MYO15A: variants seen among roughly 807,000 people sequenced by gnomAD.
The protein encoded by MYO15A is myosin XVA.
A neutral mutation model predicts 394.6 loss-of-function variants in MYO15A; 308 were observed. The observed-to-expected ratio is 0.78, with a 90% CI of 0.71 to 0.86. The LOEUF is 0.86. MYO15A is among the 40% of genes least tolerant of loss of function. MYO15A has a pLI of 0.00. For missense variants in MYO15A, 4,606 were observed against 4,799.1 expected (o/e 0.96, Z 1.19); for synonymous variants, 1,957 against 2,003.8 (o/e 0.98, Z 0.62).
chr17:18,147,923 G>A lies in MYO15A; in HGVS notation c.6510-106G>A, dbSNP rs1024775789. On this transcript the variant is annotated intron_variant, in intron 30 of 65. Coordinates refer to ENST00000647165, the MANE Select transcript of MYO15A (RefSeq NM_016239.4). This position sits in a 1 kb window ranked among gnomAD's most constrained non-coding sequence, Gnocchi z 4.4. ...ACCTTGGAGCTCTGGAGTAGCCTGG[G>A]CCTTTCTCAGACTAGCCTCAGAATT... 1.6e-5 allele frequency: 23 copies of A among 1,405,766 alleles called. No homozygotes were observed. In the Admixed American group the frequency reaches 3.6e-4, roughly 22 times the overall value. 87.1% of individuals were successfully genotyped at this position (1,405,766 alleles called of 1,614,324 possible).
intron 7 of MYO15A, among the ~76,000 whole-genome samples, chr17:18,129,340 G>C (rs1319315494): frequency 6.6e-6 from 1 of 152,200 alleles, no homozygotes; most frequent in Middle Eastern, 3.2e-3. Context: ...CAGAGAAGCA[G>C]CCAACCTGTC....
Position 18,149,539 on chromosome 17 carries a change from C to T in MYO15A, c.7171C>T (p.Leu2391=), listed in dbSNP as rs1469721619. ...AVPHKGLDCY[L]DSLFDPVLSY... is the part of the protein sequence containing the mutation. The stretch of plus-strand genomic sequence containing the variant: ...GCCCCACAAGGGGCTGGACTGCTAC[C>T]TGGATAGCCTCTTTGACCCTGTGCT... The change falls in exon 35 of 66, where the codon CTG becomes TTG. Residue 2391 remains leucine, a synonymous_variant. Transcript: ENST00000647165. 6.2e-7 allele frequency: 1 copy of T among 1,614,108 alleles called. No homozygotes were observed.
chr17:18,159,766 G>A (rs2046746967), intron 55 of MYO15A, 87 bp downstream of exon 55: 2 of 1,521,432 alleles, frequency 1.3e-6, no homozygotes, highest in East Asian at 2.3e-5. Context: ...GGACATTAGG[G>A]TGGGAAACCT....
Position 18,121,854 on chromosome 17 carries a change from G to T in MYO15A, c.3054G>T (p.Leu1018=). 1.2e-6 allele frequency: 2 copies of T among 1,612,768 alleles called. No individual in the cohort carries two copies. Among genetic ancestry groups the T allele is most frequent in the South Asian group, 1.1e-5 (1 of 91,076 alleles). Residue 1018 remains leucine (L), a synonymous_variant, in exon 2 of 66, where the codon CTG becomes CTT. Coordinates refer to ENST00000647165, the MANE Select transcript of MYO15A (RefSeq NM_016239.4). This position sits in a 1 kb window ranked among gnomAD's most constrained non-coding sequence, Gnocchi z 5.3. Reference sequence around the variant, plus strand: ...AGAAGCCTGAAGAAGAGGCCACCCTGGGGGACCCCCAGCTGCCAGCAGAGA... The same window carrying T: ...AGAAGCCTGAAGAAGAGGCCACCCTTGGGGACCCCCAGCTGCCAGCAGAGA... ...TPEKPEEEAT[L]GDPQLPAETK...
chr17:18,178,581 A>C, intron 65 of MYO15A, 188 bp from the exon 66 acceptor site: 1 of 691,868 alleles, frequency 1.4e-6, no homozygotes, highest in Non-Finnish European at 2.6e-6. Flanking sequence ...CTTGCAGCCC[A>C]CACCCCACCA....
chr17:18,143,900 C>A lies in MYO15A; in HGVS notation c.6077C>A (p.Ala2026Asp). The A allele has an allele frequency of 6.3e-7, 1 of 1,594,216 alleles. No homozygotes were observed. Among genetic ancestry groups the A allele is most frequent in the Admixed American group, 1.7e-5 (1 of 57,212 alleles). The change falls in exon 28 of 66, where the codon GCC becomes GAC. Residue 2026 changes from alanine to aspartate, a missense_variant. Coordinates refer to ENST00000647165, the MANE Select transcript of MYO15A (RefSeq NM_016239.4). ...GLGLAQVPQV[A>D]PVRTPRLQAE... Reference sequence around the variant, plus strand: ...GGGCTGGCCCAGGTGCCTCAGGTGGCCCCTGTGAGGACTCCTCGACTCCAG... The same window carrying A: ...GGGCTGGCCCAGGTGCCTCAGGTGGACCCTGTGAGGACTCCTCGACTCCAG...
rs781309769 is a variant in MYO15A at position 18,162,576 on chromosome 17, C to T, written c.9518-9C>T. 1.2e-6 allele frequency: 2 copies of T among 1,613,520 alleles called. No individual in the cohort carries two copies. The highest frequency in any genetic ancestry group is 1.7e-4 in the Middle Eastern group (1 of 6,060). On this transcript the variant is annotated splice_polypyrimidine_tract_variant and intron_variant, in intron 57 of 65. Transcript: ENST00000647165. Reference sequence around the variant, plus strand: ...CCTTGGGCGAGGCCTGAACTCCCTGCTTCTGCAGGGATCGCCAAGGCCTGC... The same window carrying T: ...CCTTGGGCGAGGCCTGAACTCCCTGTTTCTGCAGGGATCGCCAAGGCCTGC...
chr17:18,173,659 C>G lies in MYO15A; in HGVS notation c.10351-122C>G, dbSNP rs141098916. On this transcript the variant is annotated intron_variant, in intron 64 of 65. Transcript: ENST00000647165. ...CAAGGTCACGCAAGTCACTGGGGAA[C>G]TGGTACTTGAACTGGAGTGAGTCTC... is the stretch of plus-strand genomic sequence containing the variant. 6.5e-4 allele frequency: 875 copies of G among 1,345,544 alleles called. 4 individuals are homozygous for G. In the Middle Eastern group the frequency reaches 9.0e-3, roughly 14 times the overall value. 83.4% of individuals were successfully genotyped at this position (1,345,544 alleles called of 1,614,324 possible). A position where few individuals can be genotyped will look rare whatever the true frequency, so the allele number is the denominator to read the frequency against.
chr17:18,175,976 G>A (rs1021643786), intron 65 of MYO15A, among the ~76,000 whole-genome samples: 3 of 152,066 alleles, frequency 2.0e-5, no homozygotes, highest in African/African-American at 4.8e-5. Flanking sequence ...CACCTGGAAT[G>A]CTCTTCCTTG....
Position 18,155,225 on chromosome 17 carries a change from G to A in MYO15A, c.8340G>A (p.Thr2780=), listed in dbSNP as rs878853228. ...EVYFSRIFPA[T]GSVGTGVQLL... ...ACTTCTCCCGCATCTTCCCCGCCAC[G>A]GTGCGAGCCCCTCACTTGCCCCCTA... Residue 2780 remains threonine (T), a splice_region_variant and synonymous_variant, in exon 46 of 66, where the codon ACG becomes ACA. Transcript: ENST00000647165. 7 of 1,613,840 alleles carry A rather than the reference G, an allele frequency of 4.3e-6. No homozygotes were observed. Among genetic ancestry groups the A allele is most frequent in the South Asian group, 2.2e-5 (2 of 91,088 alleles).
At position 18,150,672 on chromosome 17, in the gene MYO15A, C is replaced by T. The variant is rs1262712031; in HGVS notation, c.7328-26C>T. 2 of 1,590,442 alleles carry T rather than the reference C, an allele frequency of 1.3e-6. No individual in the cohort carries two copies. The highest frequency in any genetic ancestry group is 2.7e-5 in the African/African-American group (2 of 74,184). The stretch of plus-strand genomic sequence containing the variant: ...GGGAGGAGGGCATCTCCGGTGCCAT[C>T]TGTGCCTTCTGCCCCCTCCCCTCAG... On this transcript the variant is annotated intron_variant, in intron 36 of 65. Coordinates refer to ENST00000647165, the MANE Select transcript of MYO15A (RefSeq NM_016239.4). This position sits in a 1 kb window ranked among gnomAD's most constrained non-coding sequence, Gnocchi z 4.4.
chr17:18,150,839 C>G lies in MYO15A; in HGVS notation c.7399C>G (p.Arg2467Gly). The G allele has an allele frequency of 6.3e-7, 1 of 1,593,612 alleles. No individual in the cohort carries two copies. Among genetic ancestry groups the G allele is most frequent in the Non-Finnish European group, 8.5e-7 (1 of 1,170,100 alleles). The change falls in exon 38 of 66, where the codon CGG (arginine) becomes GGG (glycine). Residue 2467 changes from arginine to glycine, a missense_variant. Around this residue, in one of 2 missense-constraint regions of MYO15A, gnomAD observed 2,776 missense variants for 3,109.3 expected, o/e 0.89. Coordinates refer to ENST00000647165, the MANE Select transcript of MYO15A (RefSeq NM_016239.4). The surrounding 1 kb of genome is among the most constrained non-coding windows in gnomAD (Gnocchi z 4.4). ...FIHKQAVLLA[R>G]EMTLQATALQ... ...CACCACTGCCACCTCTCCCCAGGCC[C>G]GGGAGATGACCCTGCAGGCCACGGC...
intron 38 of MYO15A, 88 bp from the exon 39 acceptor site, chr17:18,151,022 C>T: frequency 6.2e-7 from 1 of 1,607,766 alleles, no homozygotes; most frequent in South Asian, 1.1e-5. Context: ...CCAGGAGCTC[C>T]ACAACCCATC....
In MYO15A at chr17:18,119,205, C is replaced by T; in HGVS notation, c.405C>T (p.Asn135=). Residue 135 remains asparagine (N), a synonymous_variant, in exon 2 of 66, where the codon AAC becomes AAT. Coordinates refer to ENST00000647165, the MANE Select transcript of MYO15A (RefSeq NM_016239.4). ...RSLSKASTAI[N]WLTKKFLLKK... ...TCAGCAAAGCGTCCACGGCCATCAA[C>T]TGGCTCACAAAAAAGTTCCTCCTCA... is the stretch of plus-strand genomic sequence containing the variant. 2 of 1,612,532 alleles carry T rather than the reference C, an allele frequency of 1.2e-6. No individual in the cohort carries two copies. The highest frequency in any genetic ancestry group is 1.7e-6 in the Non-Finnish European group (2 of 1,179,912).
chr17:18,135,491 G>C lies in MYO15A; in HGVS notation c.4483-220G>C, dbSNP rs535102076. On this transcript the variant is annotated intron_variant, in intron 12 of 65. Transcript: ENST00000647165. ...TGAGTAGCTGGGATTACAGGCATAC[G>C]CCACCACACCTGGCTAATTTTGTAT... Among the ~76,000 whole-genome samples the C allele has an allele frequency of 6.6e-5, 10 of 152,220 alleles. No individual in the cohort carries two copies. In the South Asian group the frequency reaches 2.1e-3, roughly 32 times the overall value.
intron 8 of MYO15A, 108 bp from the exon 9 acceptor site, chr17:18,131,131 G>C: frequency 1.0e-6 from 1 of 1,002,822 alleles, no homozygotes; most frequent in Admixed American, 2.0e-5. Context: ...CTCATAAAGG[G>C]AGGTCCTTGG....
At chr17:18,113,038 G>A (rs1352081901) in intron 1 of MYO15A, among the ~76,000 whole-genome samples, 4 of 151,892 alleles carry the variant, frequency 2.6e-5, no homozygotes, top group Admixed American at 6.6e-5. Flanking sequence ...TAGTAGAGAT[G>A]GGGTTTCACC....
rs371352951 is a variant in MYO15A, at chr17:18,136,426, C to G, written c.4606C>G (p.Arg1536Gly). The G allele has an allele frequency of 2.7e-5, 44 of 1,613,576 alleles. No homozygotes were observed. Among genetic ancestry groups the G allele is most frequent in the African/African-American group, 2.7e-4 (20 of 74,918 alleles). Residue 1536 changes from arginine (R) to glycine (G), a missense_variant, in exon 14 of 66, where the codon CGA becomes GGA. Around this residue, in one of 2 missense-constraint regions of MYO15A, gnomAD observed 2,776 missense variants for 3,109.3 expected, o/e 0.89. Transcript: ENST00000647165. The part of the protein sequence containing the change: ...AITFKVTETM[R>G]EKIFTPLTVE... ...CTGTGCCCGTCCCTAGGAGACAATG[C>G]GAGAGAAGATCTTCACGCCCCTAAC...
chr17:18,143,673 G>T, intron 26 of MYO15A, 42 bp from the exon 27 acceptor site: 1 of 1,572,306 alleles, frequency 6.4e-7, no homozygotes, highest in Non-Finnish European at 8.6e-7. Context: ...GGCAGGTGGG[G>T]ATGTGGCAGG....
Sources: gnomAD v4.1 joint callset for allele counts (sites outside exome capture counted in the v4.1 genomes callset) on GRCh38, gnomAD v4.1.1 for gene constraint, gnomAD v4.1.1 regional missense constraint, Gnocchi (gnomAD v3.1) non-coding constraint, MANE v1.5 for transcripts, NCBI Gene and HGNC (gene_info 2026-07-23, HGNC 2026-07-21) for gene names.